ABCD3: variants seen among roughly 807,000 people sequenced by gnomAD.
ABCD3 encodes ATP-binding cassette sub-family D member 3.
ABCD3 carries 41 observed loss-of-function variants against 105.5 expected under a neutral mutation model. That is an observed-to-expected ratio of 0.39 (90% CI 0.30 to 0.50). The LOEUF is 0.50. Ranked by LOEUF, ABCD3 falls within the 20% of genes least tolerant of loss-of-function variation. ABCD3 has a pLI of 0.84. For missense variants in ABCD3, 622 were observed against 806.3 expected, an observed-to-expected ratio of 0.77 and a Z score of 2.77; for synonymous variants, 258 against 269.0, an observed-to-expected ratio of 0.96 and a Z score of 0.40.
At chr1:94,427,606 C>G (rs904331994) in intron 1 of ABCD3, among the ~76,000 whole-genome samples, 1 of 152,166 alleles carries the variant, frequency 6.6e-6, no homozygotes, top group Non-Finnish European at 1.5e-5. Context: ...AAGATAGGAT[C>G]TTCCTACATT....
rs761962129 is a variant in ABCD3, at chr1:94,475,233, T to G, written c.496T>G (p.Tyr166Asp). 1 of 1,571,942 alleles carries G rather than the reference T, an allele frequency of 6.4e-7. No individual in the cohort carries two copies. Among genetic ancestry groups the G allele is most frequent in the Non-Finnish European group, 8.7e-7 (1 of 1,149,906 alleles). Residue 166 changes from tyrosine to aspartate, a missense_variant, in exon 6 of 23, where the codon TAT (tyrosine) becomes GAT (aspartate). By Grantham distance (160) the Tyr-to-Asp change is radical (BLOSUM62 -3). Transcript: ENST00000370214. ...VRLTKYLYEE[Y>D]LQAFTYYKMG... ...GCTCACTAAATACCTCTATGAGGAG[T>G]ATCTTCAGTAAGTGATAACCTATTT...
chr1:94,489,966 A>G lies in ABCD3; in HGVS notation c.1313A>G (p.Asn438Ser). The G allele has an allele frequency of 6.2e-7, 1 of 1,612,946 alleles. No individual in the cohort carries two copies. The highest frequency in any genetic ancestry group is 8.5e-7 in the Non-Finnish European group (1 of 1,179,112). ...PGAGEIIIADNIIKFDHVPLA... is the reference protein window; with the variant it reads ...PGAGEIIIADSIIKFDHVPLA... ...GCTGGAGAAATCATTATTGCAGATA[A>G]CATTATAAAGTACGTACAGAAAAAG... The change falls in exon 15 of 23, where the codon AAC becomes AGC. Residue 438 changes from asparagine (N) to serine (S), a missense_variant. Transcript: ENST00000370214.
At chr1:94,457,559 T>C (rs904113923) in intron 1 of ABCD3, among the ~76,000 whole-genome samples, 2 of 152,018 alleles carry the variant, frequency 1.3e-5, no homozygotes, top group South Asian at 2.1e-4. Flanking sequence ...GACAGCCCCC[T>C]CTTTCCCCGC....
At chr1:94,397,439 CT>C in the ABCD3 span, among the ~76,000 whole-genome samples, 1 of 152,330 alleles carries the variant, frequency 6.6e-6, no homozygotes, top group Non-Finnish European at 1.5e-5. Context: ...GAACTTGACA[CT>C]TTTGAAGAGT....
At chr1:94,432,871 T>TC (rs1191592355) in intron 1 of ABCD3, among the ~76,000 whole-genome samples, 10 of 152,020 alleles carry the variant, frequency 6.6e-5, no homozygotes, top group Non-Finnish European at 1.3e-4. Flanking sequence ...CTTTTTTTTT[T>TC]TGAGACGGAG....
chr1:94,434,672 T>TC (rs1171182631), intron 1 of ABCD3, among the ~76,000 whole-genome samples: 1 of 152,222 alleles, frequency 6.6e-6, no homozygotes, highest in Non-Finnish European at 1.5e-5. Context: ...GGTGCAATAC[T>TC]CTAAGAGTTA....
intron 1 of ABCD3, among the ~76,000 whole-genome samples, chr1:94,446,305 C>G (rs1374179869): frequency 6.6e-6 from 1 of 152,244 alleles, no homozygotes; most frequent in Non-Finnish European, 1.5e-5. Context: ...TGCACAAAAG[C>G]TGTGAGCCTT....
At chr1:94,493,088 T>A (rs1278253394) in intron 16 of ABCD3, among the ~76,000 whole-genome samples, 3 of 151,784 alleles carry the variant, frequency 2.0e-5, no homozygotes, top group African/African-American at 2.4e-5. Flanking sequence ...AAGCCAAAAT[T>A]GACAAATGGG....
At position 94,475,581 on chromosome 1, in the gene ABCD3, G is replaced by T. The variant is rs1373288552; in HGVS notation, c.504-33G>T. The T allele has an allele frequency of 3.8e-6, 6 of 1,595,500 alleles. No homozygotes were observed. In the African/African-American group the frequency reaches 6.7e-5, roughly 18 times the overall value. On this transcript the variant is annotated intron_variant, in intron 6 of 22. Transcript: ENST00000370214. ...TGTTGTTTTATCTTTAAAGTCACTTGTTTTAAAATCACTTTTCTTCTTGCT... is the reference window on the plus strand; with the variant it reads ...TGTTGTTTTATCTTTAAAGTCACTTTTTTTAAAATCACTTTTCTTCTTGCT...
intron 13 of ABCD3, among the ~76,000 whole-genome samples, chr1:94,489,269 C>T (rs146518979): frequency 1.3e-3 from 201 of 152,090 alleles, no homozygotes; most frequent in African/African-American, 4.6e-3. Flanking sequence ...CAGATTCTTC[C>T]GTTTGCAGGA....
chr1:94,432,193 C>T lies in ABCD3; in HGVS notation c.110+13605C>T, dbSNP rs113657245. Among the ~76,000 whole-genome samples, 1,148 of 152,234 alleles carry T rather than the reference C, an allele frequency of 7.5e-3. 25 individuals carry two copies. The highest frequency in any genetic ancestry group is 0.026 in the African/African-American group (1,071 of 41,536). On this transcript the variant is annotated intron_variant, in intron 1 of 22. Coordinates refer to ENST00000370214, the MANE Select transcript of ABCD3 (RefSeq NM_002858.4). ...GCTTTGAGATACCAAATTAAATAAA[C>T]GTTATTTTTAACTCCAGTCTTGTGG...
intron 4 of ABCD3, among the ~76,000 whole-genome samples, chr1:94,471,151 T>C (rs966368125): frequency 2.6e-5 from 4 of 152,220 alleles, no homozygotes; most frequent in Non-Finnish European, 5.9e-5. Context: ...TACTCAGTTT[T>C]AAAATTTAAT....
At chr1:94,428,516 A>G (rs925938625) in intron 1 of ABCD3, among the ~76,000 whole-genome samples, 4 of 152,212 alleles carry the variant, frequency 2.6e-5, no homozygotes, top group Non-Finnish European at 5.9e-5. Context: ...GAAGTAAGCA[A>G]TGTGAGACAT....
At chr1:94,496,263 G>A (rs1171327449) in intron 16 of ABCD3, among the ~76,000 whole-genome samples, 2 of 151,982 alleles carry the variant, frequency 1.3e-5, no homozygotes, top group Non-Finnish European at 2.9e-5. Context: ...CCTCTCCCTT[G>A]CCCCTGGTAA....
chr1:94,491,311 AC>A, intron 16 of ABCD3, 64 bp downstream of exon 16: 1 of 1,226,832 alleles, frequency 8.2e-7, no homozygotes, highest in South Asian at 1.2e-5. Context: ...GAAAAAGATT[AC>A]CTGAATATTT....
At chr1:94,497,145 C>G (rs1397488888) in intron 16 of ABCD3, among the ~76,000 whole-genome samples, 2 of 152,114 alleles carry the variant, frequency 1.3e-5, no homozygotes, top group Non-Finnish European at 2.9e-5. Flanking sequence ...CCCAAGTTCC[C>G]TTTGTCTGTT....
chr1:94,488,839 C>G (rs936859933), intron 13 of ABCD3, among the ~76,000 whole-genome samples: 8 of 151,934 alleles, frequency 5.3e-5, no homozygotes, highest in African/African-American at 1.9e-4. Flanking sequence ...CTCTCTCGCT[C>G]TCTTTCTGTG....
At chr1:94,440,363 C>G (rs1302042653) in intron 1 of ABCD3, among the ~76,000 whole-genome samples, 1 of 152,192 alleles carries the variant, frequency 6.6e-6, no homozygotes, top group Non-Finnish European at 1.5e-5. Context: ...TAGGCTGTTT[C>G]TTTCTTACCC....
chr1:94,475,381 C>T, intron 6 of ABCD3, 141 bp downstream of exon 6: 1 of 757,836 alleles, frequency 1.3e-6, no homozygotes, highest in Non-Finnish European at 2.1e-6. Context: ...TGGGAACAAC[C>T]TTTCAGTTAT....
Sources: gnomAD v4.1 joint callset for allele counts (sites outside exome capture counted in the v4.1 genomes callset) on GRCh38, gnomAD v4.1.1 for gene constraint, MANE v1.5 for transcripts, NCBI Gene and HGNC (gene_info 2026-07-23, HGNC 2026-07-21) for gene names.